Variants in QTMAN observed in about 807,000 individuals in gnomAD.
QTMAN encodes tRNA-queuosine alpha-mannosyltransferase.
At chr2:144,293,874 T>G in the QTMAN span, among the ~76,000 whole-genome samples, 1 of 152,228 alleles carries the variant, frequency 6.6e-6, no homozygotes, top group Non-Finnish European at 1.5e-5. Context: ...ATGTTTGAGC[T>G]GACCATTAAG....
the QTMAN span, among the ~76,000 whole-genome samples, chr2:144,283,017 C>A: frequency 1.3e-5 from 2 of 152,158 alleles, no homozygotes; most frequent in Non-Finnish European, 2.9e-5. Context: ...CGCCCAGGAC[C>A]CTTCCAGACC....
chr2:144,106,572 T>C, the QTMAN span, among the ~76,000 whole-genome samples: 2 of 152,226 alleles, frequency 1.3e-5, no homozygotes, highest in Non-Finnish European at 2.9e-5. Context: ...TAAACATATA[T>C]GCACCCAATA....
At chr2:143,950,839 A>G in the QTMAN span, 1 of 152,044 alleles carries the variant, frequency 6.6e-6, no homozygotes, top group Non-Finnish European at 1.5e-5. Context: ...ATACAATACT[A>G]TTGACTCAAG....
chr2:144,282,026 TTAC>T, the QTMAN span, among the ~76,000 whole-genome samples: 1 of 152,146 alleles, frequency 6.6e-6, no homozygotes, highest in Admixed American at 6.6e-5. Flanking sequence ...TTGCTGGTCC[TTAC>T]TCTGAGTTTC....
the QTMAN span, among the ~76,000 whole-genome samples, chr2:144,041,112 G>A: frequency 2.0e-5 from 3 of 152,212 alleles, no homozygotes; most frequent in African/African-American, 4.8e-5. Flanking sequence ...TTGCGCTTGA[G>A]AATTTCACAA....
At chr2:144,099,824 G>C in the QTMAN span, among the ~76,000 whole-genome samples, 1 of 152,136 alleles carries the variant, frequency 6.6e-6, no homozygotes, top group Non-Finnish European at 1.5e-5. Context: ...CAAGGAAACT[G>C]GTACCAGAAA....
the QTMAN span, among the ~76,000 whole-genome samples, chr2:144,269,707 G>A: frequency 6.6e-6 from 1 of 151,920 alleles, no homozygotes; most frequent in South Asian, 2.1e-4. Flanking sequence ...AAATTTCCCT[G>A]ATTCTGACTA....
chr2:144,102,357 T>C, the QTMAN span, among the ~76,000 whole-genome samples: 3 of 152,220 alleles, frequency 2.0e-5, no homozygotes, highest in Non-Finnish European at 4.4e-5. Flanking sequence ...AGATACAGTG[T>C]ATATGCATGT....
the QTMAN span, among the ~76,000 whole-genome samples, chr2:144,099,071 A>G: frequency 2.0e-5 from 3 of 152,222 alleles, no homozygotes; most frequent in African/African-American, 7.2e-5. Flanking sequence ...GGCTGAATAT[A>G]CATAAGTCAA....
the QTMAN span, among the ~76,000 whole-genome samples, chr2:144,187,530 A>G: frequency 6.6e-6 from 1 of 152,168 alleles, no homozygotes; most frequent in African/African-American, 2.4e-5. Context: ...TCTAATTTCA[A>G]CATGAGTTTT....
the QTMAN span, among the ~76,000 whole-genome samples, chr2:144,112,905 T>C: frequency 6.6e-6 from 1 of 151,968 alleles, no homozygotes; most frequent in Non-Finnish European, 1.5e-5. Context: ...ACAGAAGAAC[T>C]CAGACGTCCA....
the QTMAN span, among the ~76,000 whole-genome samples, chr2:144,022,560 C>CTTTTTTTTTT: frequency 1.4e-4 from 15 of 104,256 alleles, no homozygotes; most frequent in African/African-American, 4.7e-4. Context: ...CTCTCTCTCT[C>CTTTTTTTTTT]TTTTTTTTTT....
the QTMAN span, among the ~76,000 whole-genome samples, chr2:144,036,915 T>C: frequency 2.0e-5 from 3 of 152,330 alleles, no homozygotes; most frequent in Non-Finnish European, 2.9e-5. Context: ...TTGTGGCATA[T>C]ACATACTATA....
the QTMAN span, among the ~76,000 whole-genome samples, chr2:144,234,785 C>T: frequency 3.4e-4 from 52 of 152,262 alleles, no homozygotes; most frequent in Admixed American, 3.1e-3. Flanking sequence ...GTTTTGTTCA[C>T]GGCCACAGAA....
At chr2:144,014,899 A>G in the QTMAN span, among the ~76,000 whole-genome samples, 2 of 152,070 alleles carry the variant, frequency 1.3e-5, no homozygotes, top group African/African-American at 4.8e-5. Flanking sequence ...TATTTATACC[A>G]TTTGCTTATA....
At chr2:144,101,201 A>G in the QTMAN span, among the ~76,000 whole-genome samples, 3 of 152,080 alleles carry the variant, frequency 2.0e-5, no homozygotes, top group African/African-American at 4.8e-5. Flanking sequence ...GGGTGCAAAG[A>G]ATATTTGCAA....
the QTMAN span, among the ~76,000 whole-genome samples, chr2:144,154,726 G>A: frequency 9.9e-5 from 15 of 152,104 alleles, no homozygotes; most frequent in East Asian, 9.6e-4. Context: ...ATATTATCCC[G>A]TTTCTTCACA....
the QTMAN span, among the ~76,000 whole-genome samples, chr2:144,101,119 T>C: frequency 2.0e-5 from 3 of 152,194 alleles, no homozygotes; most frequent in African/African-American, 7.2e-5. Context: ...CCGCCCGCCT[T>C]GGCCTCCCAC....
chr2:144,246,922 T>C, the QTMAN span, among the ~76,000 whole-genome samples: 1 of 152,228 alleles, frequency 6.6e-6, no homozygotes, highest in Non-Finnish European at 1.5e-5. Flanking sequence ...CAATGGAACA[T>C]AAGCATTTCC....
Sources: allele counts gnomAD v4.1 joint callset (sites outside exome capture counted in the v4.1 genomes callset), GRCh38; gene constraint gnomAD v4.1.1; transcripts MANE v1.5; gene names NCBI Gene and HGNC (gene_info 2026-07-23, HGNC 2026-07-21).